The following SNX18 variants were observed in gnomAD, a reference collection of about 807,000 sequenced individuals.
The protein encoded by SNX18 is sorting nexin 18.
Under a neutral mutation model 48.7 loss-of-function variants are expected in SNX18, and 35 were observed. The ratio of observed to expected loss-of-function variants is 0.72; its 90% CI spans 0.55 to 0.95. The LOEUF (loss-of-function observed/expected upper bound fraction) is 0.95. SNX18 is among the 40% of genes least tolerant of loss of function. The pLI, the probability that SNX18 is intolerant of heterozygous loss-of-function variation, is 0.00. For missense variants in SNX18, 824 were observed against 871.0 expected (o/e 0.95, Z 0.68); for synonymous variants, 492 against 384.7 (o/e 1.28, Z -3.26).
chr5:54,562,431 A>T, the SNX18 span, among the ~76,000 whole-genome samples: 1 of 152,356 alleles, frequency 6.6e-6, no homozygotes. Context: ...TCACCTTTTT[A>T]ATGCACAGTT....
intron 1 of SNX18, 47 bp from the exon 2 acceptor site, chr5:54,543,132 A>C: frequency 2.6e-6 from 4 of 1,562,174 alleles, no homozygotes; most frequent in Non-Finnish European, 3.5e-6. Context: ...TGTTCTTGGG[A>C]TATGTGGATA....
chr5:54,547,683 A>G (rs1441669323), downstream of SNX18, among the ~76,000 whole-genome samples: 1 of 152,198 alleles, frequency 6.6e-6, no homozygotes, highest in Non-Finnish European at 1.5e-5. Flanking sequence ...GCCAGATGTT[A>G]CCTTCCAGTA....
chr5:54,647,180 C>G, the SNX18 span, among the ~76,000 whole-genome samples: 1 of 152,240 alleles, frequency 6.6e-6, no homozygotes, highest in Non-Finnish European at 1.5e-5. Context: ...TCATTTACAT[C>G]TGTATTTATT....
the SNX18 span, among the ~76,000 whole-genome samples, chr5:54,563,842 C>T: frequency 6.6e-6 from 1 of 151,698 alleles, no homozygotes; most frequent in Non-Finnish European, 1.5e-5. Flanking sequence ...CAGCTGAACC[C>T]TAATATAACA....
the SNX18 span, among the ~76,000 whole-genome samples, chr5:54,612,389 G>A: frequency 6.6e-6 from 1 of 151,978 alleles, no homozygotes; most frequent in Non-Finnish European, 1.5e-5. Flanking sequence ...CTCCAGAGTA[G>A]CTGGGACTAC....
At chr5:54,534,179 G>C (rs147356263) in intron 1 of SNX18, among the ~76,000 whole-genome samples, 2 of 151,828 alleles carry the variant, frequency 1.3e-5, no homozygotes, top group African/African-American at 4.8e-5. Flanking sequence ...GACAGAAATC[G>C]AGTTAATGTT....
intron 1 of SNX18, among the ~76,000 whole-genome samples, chr5:54,536,509 T>C: frequency 6.6e-6 from 1 of 152,108 alleles, no homozygotes; most frequent in Non-Finnish European, 1.5e-5. Context: ...AGTAGTTTGC[T>C]CAGAATGATG....
At chr5:54,540,711 G>T (rs1762452318) in intron 1 of SNX18, among the ~76,000 whole-genome samples, 1 of 151,824 alleles carries the variant, frequency 6.6e-6, no homozygotes, top group Admixed American at 6.6e-5. Flanking sequence ...GAAAAGCTGG[G>T]CTCTAGTAAT....
At chr5:54,536,585 T>C (rs1762360461) in intron 1 of SNX18, among the ~76,000 whole-genome samples, 1 of 152,198 alleles carries the variant, frequency 6.6e-6, no homozygotes, top group South Asian at 2.1e-4. Context: ...CTGCATAGTA[T>C]TCCATGGTGT....
the SNX18 span, among the ~76,000 whole-genome samples, chr5:54,560,636 A>C: frequency 6.6e-6 from 1 of 152,210 alleles, no homozygotes; most frequent in Non-Finnish European, 1.5e-5. Context: ...ATGAAAGCTA[A>C]ATTAAAGATA....
the SNX18 span, among the ~76,000 whole-genome samples, chr5:54,614,651 T>A: frequency 1.3e-5 from 2 of 151,658 alleles, no homozygotes; most frequent in Non-Finnish European, 2.9e-5. Flanking sequence ...TACAAAAAAA[T>A]AAAGAAATAA....
the SNX18 span, among the ~76,000 whole-genome samples, chr5:54,607,769 C>CA: frequency 1.3e-5 from 2 of 151,852 alleles, no homozygotes; most frequent in East Asian, 3.9e-4. Flanking sequence ...CCCATCTCCA[C>CA]AAAAAAATAC....
Position 54,543,587 on chromosome 5 carries a change from A to C in SNX18, c.*155A>C. On this transcript the variant is annotated 3_prime_UTR_variant, in exon 2 of 2. Transcript: ENST00000381410. ...CCAGCTGAATTTATAATTATGTAGGAAATAAACAGTTAATATGGTTATATA... is the reference window on the plus strand; with the variant it reads ...CCAGCTGAATTTATAATTATGTAGGCAATAAACAGTTAATATGGTTATATA... 1.2e-6 allele frequency: 1 copy of C among 803,856 alleles called. No individual in the cohort carries two copies. Among genetic ancestry groups the C allele is most frequent in the Non-Finnish European group, 2.0e-6 (1 of 511,400 alleles). The allele number at this position is 803,856 out of a possible 1,614,324, so 49.8% of individuals were successfully genotyped here. A position where few individuals can be genotyped will look rare whatever the true frequency, so the allele number is the denominator to read the frequency against.
chr5:54,518,763 G>A lies in SNX18; in HGVS notation c.811G>A (p.Glu271Lys). Residue 271 changes from glutamate (E) to lysine (K), a missense_variant, in exon 1 of 2, where the codon GAG (glutamate) becomes AAG (lysine). Coordinates refer to ENST00000381410, the MANE Select transcript of SNX18 (RefSeq NM_001102575.2). ...GGGGCCCTATGGCCCCGAGTGGCAG[G>A]AGAACCCCTACCCGTTCCAGTGCAC... ...VLGPYGPEWQ[E>K]NPYPFQCTID... The A allele has an allele frequency of 6.2e-7, 1 of 1,606,810 alleles. No homozygotes were observed. Among genetic ancestry groups the A allele is most frequent in the South Asian group, 1.1e-5 (1 of 90,198 alleles).
At chr5:54,598,873 T>A in the SNX18 span, among the ~76,000 whole-genome samples, 1 of 152,136 alleles carries the variant, frequency 6.6e-6, no homozygotes, top group Non-Finnish European at 1.5e-5. Context: ...GTATTGGAAG[T>A]TCTGGCCAGG....
At chr5:54,526,712 A>T (rs909776023) in intron 1 of SNX18, among the ~76,000 whole-genome samples, 1 of 152,144 alleles carries the variant, frequency 6.6e-6, no homozygotes, top group Non-Finnish European at 1.5e-5. Flanking sequence ...AAAGATCCCC[A>T]CCCTTGTGGA....
chr5:54,589,913 C>A, the SNX18 span, among the ~76,000 whole-genome samples: 1 of 152,200 alleles, frequency 6.6e-6, no homozygotes, highest in Non-Finnish European at 1.5e-5. Context: ...CCTCAGCCTC[C>A]CGAGTAGCTG....
intron 1 of SNX18, among the ~76,000 whole-genome samples, chr5:54,541,248 G>A (rs1437280695): frequency 2.0e-5 from 3 of 151,840 alleles, no homozygotes; most frequent in East Asian, 1.9e-4. Flanking sequence ...GGCTGGTCTC[G>A]ATCTCCTGAC....
chr5:54,544,409 GAA>G lies in SNX18; in HGVS notation c.*984_*985del, dbSNP rs70986695. On this transcript the variant is annotated 3_prime_UTR_variant, in exon 2 of 2. Transcript: ENST00000381410. ...ATTTTCTTTTAATATTCAGTTTTTT[GAA>G]AAAAAATGGATCTACACTGTTAACT... 1 of 145,324 alleles carries G rather than the reference GAA, an allele frequency of 6.9e-6. No individual in the cohort carries two copies. Among genetic ancestry groups the G allele is most frequent in the Non-Finnish European group, 1.5e-5 (1 of 65,088 alleles). 9.0% of individuals were successfully genotyped at this position (145,324 alleles called of 1,614,324 possible). A position where few individuals can be genotyped will look rare whatever the true frequency, so the allele number is the denominator to read the frequency against.
Sources: allele counts gnomAD v4.1 joint callset (sites outside exome capture counted in the v4.1 genomes callset), GRCh38; gene constraint gnomAD v4.1.1; transcripts MANE v1.5; gene names NCBI Gene and HGNC (gene_info 2026-07-23, HGNC 2026-07-21).